The following ADAT1 variants were observed in gnomAD, a reference collection of about 807,000 sequenced individuals.
ADAT1 encodes the protein tRNA-specific adenosine deaminase 1.
ADAT1 carries 58 observed loss-of-function variants against 58.6 expected under a neutral mutation model. The ratio of observed to expected loss-of-function variants is 0.99; its 90% CI spans 0.80 to 1.23. ADAT1 has a LOEUF of 1.23. ADAT1 is among the 50% of genes most tolerant of loss of function. ADAT1 has a pLI of 0.00. For missense variants in ADAT1, 741 were observed against 608.6 expected, an observed-to-expected ratio of 1.22 and a Z score of -2.29; for synonymous variants, 254 against 220.8, an observed-to-expected ratio of 1.15 and a Z score of -1.33.
Position 75,612,418 on chromosome 16 carries a change from G to T in ADAT1, c.868C>A (p.Arg290Ser). ...QVGLLRVKPG[R>S]GDRTRSMSCS... The stretch of plus-strand genomic sequence containing the variant: ...GACATGGAGCGTGTTCTGTCTCCAC[G>T]GCCTGGCTTCACTCGGAGCAGCCCC... Residue 290 changes from arginine (R) to serine (S), a missense_variant, in exon 6 of 10, where the codon CGT becomes AGT. Physicochemically the swap from Arg to Ser is moderately radical, Grantham distance 110. Coordinates refer to ENST00000564657, the MANE Select transcript of ADAT1 (RefSeq NM_001324445.2). 2 of 1,614,188 alleles carry T rather than the reference G, an allele frequency of 1.2e-6. No homozygotes were observed. The highest frequency in any genetic ancestry group is 1.3e-5 in the African/African-American group (1 of 75,048).
Position 75,618,608 on chromosome 16 carries a change from T to G in ADAT1, c.271A>C (p.Ile91Leu). Residue 91 changes from isoleucine to leucine, a missense_variant, in exon 4 of 10, where the codon ATA (isoleucine) becomes CTA (leucine). Physicochemically the swap from Ile to Leu is conservative, Grantham distance 5. Coordinates refer to ENST00000564657, the MANE Select transcript of ADAT1 (RefSeq NM_001324445.2). ...DILNDSHAEV[I>L]ARRSFQRYLL... ...TACCTTTGGAAACTCCTTCTGGCTA[T>G]GACCTCAGCATGGCTATCATTGAGG... 16 of 1,611,450 alleles carry G rather than the reference T, an allele frequency of 9.9e-6. No homozygotes were observed. The highest frequency in any genetic ancestry group is 1.4e-5 in the Non-Finnish European group (16 of 1,178,838).
chr16:75,602,683 GT>G (rs538828724), intron 9 of ADAT1, among the ~76,000 whole-genome samples: 151 of 152,312 alleles, frequency 9.9e-4, no homozygotes, highest in African/African-American at 3.4e-3. Flanking sequence ...TGGTTTTAAA[GT>G]TCTTTGAATT....
intron 1 of ADAT1, among the ~76,000 whole-genome samples, chr16:75,622,149 CA>C (rs1045089224): frequency 1.3e-4 from 20 of 151,808 alleles, no homozygotes; most frequent in Non-Finnish European, 2.8e-4. Flanking sequence ...GACTCCCTCT[CA>C]AAAAAACAAA....
chr16:75,622,264 G>A (rs1330994886), intron 1 of ADAT1, 139 bp downstream of exon 1: 1 of 152,138 alleles, frequency 6.6e-6, no homozygotes, highest in Non-Finnish European at 1.5e-5. Flanking sequence ...GAATGCTACT[G>A]GTAAATCAGA....
intron 3 of ADAT1, among the ~76,000 whole-genome samples, 185 bp downstream of exon 3, chr16:75,620,081 G>A (rs2081882973): frequency 6.6e-6 from 1 of 152,044 alleles, no homozygotes; most frequent in Non-Finnish European, 1.5e-5. Flanking sequence ...GTTCCTAGAG[G>A]CCTCCGCTTT....
chr16:75,613,212 A>C (rs887864390), intron 5 of ADAT1, among the ~76,000 whole-genome samples: 2 of 152,236 alleles, frequency 1.3e-5, no homozygotes, highest in African/African-American at 4.8e-5. Context: ...AGGGCATGCA[A>C]AATGGAATAT....
intron 3 of ADAT1, 161 bp from the exon 4 acceptor site, chr16:75,618,801 G>A (rs561725781): frequency 5.0e-5 from 40 of 799,742 alleles, no homozygotes; most frequent in Middle Eastern, 6.7e-4. Flanking sequence ...AATGCATCAG[G>A]TGCAGGGTTT....
chr16:75,597,502 G>A lies in ADAT1; in HGVS notation c.*2714C>T. The A allele has an allele frequency of 2.7e-6, 1 of 370,714 alleles. No homozygotes were observed. The highest frequency in any genetic ancestry group is 2.0e-5 in the South Asian group (1 of 49,648). The allele number at this position is 370,714 out of a possible 1,614,324, so 23.0% of individuals were successfully genotyped here. ...TTTTGGCACCAGGGACTGGTTTCAT[G>A]GAAGATAATTTTTCCACAGATCCGG... is the stretch of plus-strand genomic sequence containing the variant. On this transcript the variant is annotated 3_prime_UTR_variant, in exon 10 of 10. Coordinates refer to ENST00000564657, the MANE Select transcript of ADAT1 (RefSeq NM_001324445.2).
In ADAT1 at chr16:75,599,883, G is replaced by A; in HGVS notation, c.*333C>T. 1 of 1,031,362 alleles carries A rather than the reference G, an allele frequency of 9.7e-7. No homozygotes were observed. Among genetic ancestry groups the A allele is most frequent in the Non-Finnish European group, 1.2e-6 (1 of 859,524 alleles). 63.9% of individuals were successfully genotyped at this position (1,031,362 alleles called of 1,614,324 possible). The stretch of plus-strand genomic sequence containing the variant: ...CATCATTTCAGCTCAATAAATATTT[G>A]CTGAATCAATGTAGGAACCCATAAA... On this transcript the variant is annotated 3_prime_UTR_variant, in exon 10 of 10. Transcript: ENST00000564657.
At chr16:75,618,732 C>T (rs753337408) in intron 3 of ADAT1, 92 bp from the exon 4 acceptor site, 3 of 1,463,338 alleles carry the variant, frequency 2.1e-6, no homozygotes, top group Non-Finnish European at 2.8e-6. Context: ...CACCAGCACC[C>T]AGGATGGTCA....
Position 75,600,272 on chromosome 16 carries a change from T to A in ADAT1, c.1453A>T (p.Lys485Ter). ...SYQEAWSTLR[K>*]QVFGSWIRNP... is the part of the protein sequence containing the mutation. ...CTGATCCAGGATCCAAACACCTGCT[T>A]CCGGAGTGTGCTCCAGGCTTCCTGG... Residue 485 changes from lysine to a stop codon, truncating the protein, a stop_gained, in exon 10 of 10, where the codon AAG becomes TAG. Coordinates refer to ENST00000564657, the MANE Select transcript of ADAT1 (RefSeq NM_001324445.2). LOFTEE classifies it high-confidence loss of function. 1 of 1,614,150 alleles carries A rather than the reference T, an allele frequency of 6.2e-7. No individual in the cohort carries two copies. The highest frequency in any genetic ancestry group is 8.5e-7 in the Non-Finnish European group (1 of 1,180,018).
Position 75,597,404 on chromosome 16 carries a change from TGAAA to T in ADAT1, c.*2808_*2811del. 1 of 450,762 alleles carries T rather than the reference TGAAA, an allele frequency of 2.2e-6. No homozygotes were observed. The highest frequency in any genetic ancestry group is 1.6e-5 in the South Asian group (1 of 63,290). The allele number at this position is 450,762 out of a possible 1,614,324, so 27.9% of individuals were successfully genotyped here. A position where few individuals can be genotyped will look rare whatever the true frequency, so the allele number is the denominator to read the frequency against. On this transcript the variant is annotated 3_prime_UTR_variant, in exon 10 of 10. Coordinates refer to ENST00000564657, the MANE Select transcript of ADAT1 (RefSeq NM_001324445.2). ...GCCATCAGAAGCTAAGGAGGAAGCA[TGAAA>T]GAGTCTTCTTCAGAGCAGCAGTCCC...
intron 6 of ADAT1, among the ~76,000 whole-genome samples, chr16:75,611,733 T>C (rs2081541154): frequency 6.6e-6 from 1 of 151,408 alleles, no homozygotes; most frequent in Admixed American, 6.6e-5. Flanking sequence ...TTCCTATTAC[T>C]GGGCATTTCA....
chr16:75,602,023 G>C (rs1385968080), intron 9 of ADAT1: 2 of 150,784 alleles, frequency 1.3e-5, no homozygotes, highest in Non-Finnish European at 3.0e-5. Context: ...CTGATCACAC[G>C]TGAGTTTCTG....
In ADAT1 at chr16:75,598,182, T is replaced by G. The variant is rs1334792592; in HGVS notation, c.*2034A>C. On this transcript the variant is annotated 3_prime_UTR_variant, in exon 10 of 10. Coordinates refer to ENST00000564657, the MANE Select transcript of ADAT1 (RefSeq NM_001324445.2). ...ACCTCCACCTCCTGGGTTTGAGAGATTCTTCTGCCTCAGCCTCCTGAGTAG... is the reference window on the plus strand; with the variant it reads ...ACCTCCACCTCCTGGGTTTGAGAGAGTCTTCTGCCTCAGCCTCCTGAGTAG... 1 of 242,188 alleles carries G rather than the reference T, an allele frequency of 4.1e-6. No homozygotes were observed. Among genetic ancestry groups the G allele is most frequent in the Non-Finnish European group, 8.6e-6 (1 of 116,552 alleles). The allele number at this position is 242,188 out of a possible 1,614,324, so 15.0% of individuals were successfully genotyped here.
At chr16:75,604,203 T>C (rs1005382489) in intron 8 of ADAT1, among the ~76,000 whole-genome samples, 1 of 151,558 alleles carries the variant, frequency 6.6e-6, no homozygotes, top group African/African-American at 2.4e-5. Context: ...CTGAGGTGAA[T>C]GAGCAGATCA....
At chr16:75,620,149 G>T in intron 3 of ADAT1, 117 bp downstream of exon 3, 1 of 987,186 alleles carries the variant, frequency 1.0e-6, no homozygotes, top group Non-Finnish European at 1.6e-6. Flanking sequence ...CTGATAGTCA[G>T]TAGGAAACAA....
intron 6 of ADAT1, among the ~76,000 whole-genome samples, chr16:75,611,920 T>C (rs1281393250): frequency 6.6e-6 from 1 of 151,686 alleles, no homozygotes; most frequent in African/African-American, 2.4e-5. Context: ...TAGCCAGGCG[T>C]GGTGGCGCAT....
rs368624127 is a variant in ADAT1, at chr16:75,608,333, G to T, written c.1190-10C>A. Reference sequence around the variant, plus strand: ...GCACTCCAGCTGATGGCTATGAAAAGATAAGATTCTAGGGTTAAAACTGCT... The same window carrying T: ...GCACTCCAGCTGATGGCTATGAAAATATAAGATTCTAGGGTTAAAACTGCT... On this transcript the variant is annotated splice_polypyrimidine_tract_variant and intron_variant, in intron 7 of 9. Coordinates refer to ENST00000564657, the MANE Select transcript of ADAT1 (RefSeq NM_001324445.2). The T allele has an allele frequency of 2.2e-5, 35 of 1,610,322 alleles. No homozygotes were observed. The African/African-American group carries it at 4.4e-4, about 20-fold the overall frequency.
Sources: gnomAD v4.1 joint callset for allele counts (sites outside exome capture counted in the v4.1 genomes callset) on GRCh38, gnomAD v4.1.1 for gene constraint, MANE v1.5 for transcripts, NCBI Gene and HGNC (gene_info 2026-07-23, HGNC 2026-07-21) for gene names.